Variants in METTL21C observed in about 807,000 individuals in gnomAD.
METTL21C encodes methyltransferase 21C, AARS1 lysine.
A neutral mutation model predicts 25.9 loss-of-function variants in METTL21C; 21 were observed. That is an observed-to-expected ratio of 0.81 (90% CI 0.58 to 1.17). METTL21C has a LOEUF of 1.17. Among genes scored for constraint, METTL21C ranks in the 50% most tolerant of loss-of-function variants. METTL21C has a pLI of 0.00. For synonymous variants in METTL21C, 125 were observed against 124.7 expected (o/e 1.00, Z -0.01); for missense variants, 312 against 315.1 (o/e 0.99, Z 0.07).
upstream of METTL21C, among the ~76,000 whole-genome samples, chr13:102,696,796 C>G (rs1885953233): frequency 1.3e-5 from 2 of 152,180 alleles, no homozygotes. Context: ...GAATTGTTCT[C>G]TGACATATGG....
In METTL21C at chr13:102,687,094, A is replaced by C. The variant is rs770049268; in HGVS notation, c.283-37T>G. 1.2e-5 allele frequency: 18 copies of C among 1,512,110 alleles called. No homozygotes were observed. In the African/African-American group the frequency reaches 2.5e-4, roughly 21 times the overall value. The allele number at this position is 1,512,110 out of a possible 1,614,324, so 93.7% of individuals were successfully genotyped here. A position where few individuals can be genotyped will look rare whatever the true frequency, so the allele number is the denominator to read the frequency against. The stretch of plus-strand genomic sequence containing the variant: ...TTATAACTTTTCATGTGGGCATTGG[A>C]ACATTGGAAACCAGTAGCAACCCTT... On this transcript the variant is annotated intron_variant, in intron 2 of 3. Coordinates refer to ENST00000267273, the MANE Select transcript of METTL21C (RefSeq NM_001010977.3).
At chr13:102,689,569 G>T (rs1207755595) in intron 2 of METTL21C, among the ~76,000 whole-genome samples, 5 of 152,200 alleles carry the variant, frequency 3.3e-5, no homozygotes, top group Admixed American at 2.0e-4. Flanking sequence ...ACCCCGGAAT[G>T]TGTAAGACCT....
intron 2 of METTL21C, among the ~76,000 whole-genome samples, chr13:102,688,934 C>T (rs753068352): frequency 3.3e-5 from 5 of 152,132 alleles, no homozygotes; most frequent in Non-Finnish European, 7.4e-5. Flanking sequence ...CACCTGAAGT[C>T]GCACAGGAAA....
chr13:102,701,990 C>T, the METTL21C span, among the ~76,000 whole-genome samples: 4 of 151,996 alleles, frequency 2.6e-5, no homozygotes, highest in South Asian at 2.1e-4. Context: ...CATGGTGAAA[C>T]TCGTCTCTAC....
chr13:102,688,341 T>C (rs116871763), intron 2 of METTL21C, among the ~76,000 whole-genome samples: 10,136 of 152,290 alleles, frequency 0.067, 399 homozygotes, highest in South Asian at 0.1. Flanking sequence ...CAGTCACCTC[T>C]ACTGTCTGGG....
At chr13:102,686,672 C>T (rs1218828906) in intron 3 of METTL21C, among the ~76,000 whole-genome samples, 1 of 152,188 alleles carries the variant, frequency 6.6e-6, no homozygotes, top group Non-Finnish European at 1.5e-5. Context: ...CCTCACCTCA[C>T]CTGTGGGATT....
Position 102,690,943 on chromosome 13 carries a change from G to A in METTL21C, c.152C>T (p.Ser51Phe). 1 of 1,614,122 alleles carries A rather than the reference G, an allele frequency of 6.2e-7. No individual in the cohort carries two copies. The highest frequency in any genetic ancestry group is 1.1e-5 in the South Asian group (1 of 91,042). Residue 51 changes from serine to phenylalanine, a missense_variant, in exon 2 of 4, where the codon TCT (serine) becomes TTT (phenylalanine). Coordinates refer to ENST00000267273, the MANE Select transcript of METTL21C (RefSeq NM_001010977.3). ...AACAAATTTCTGGAGGCTATGAAGA[G>A]ATGGTTCTATCTTGTTGGATTCTGT... ...VLEESNKIEP[S>F]LHSLQKFVPT...
chr13:102,697,506 A>G (rs1334410740), upstream of METTL21C, among the ~76,000 whole-genome samples: 1 of 152,196 alleles, frequency 6.6e-6, no homozygotes, highest in East Asian at 1.9e-4. Context: ...CAGCATTGCC[A>G]TGAAGGGTAA....
In METTL21C at chr13:102,685,959, TC is replaced by T. The variant is rs1885654915; in HGVS notation, c.*71del. On this transcript the variant is annotated 3_prime_UTR_variant, in exon 4 of 4. Transcript: ENST00000267273. ...TACCTTCTCAATCCTGTGAAAGAAG[TC>T]TATTACCAAAGCAATTTCTAACACA... 10 of 1,464,182 alleles carry T rather than the reference TC, an allele frequency of 6.8e-6. No individual in the cohort carries two copies. The Admixed American group carries it at 9.2e-5, about 14-fold the overall frequency. 90.7% of individuals were successfully genotyped at this position (1,464,182 alleles called of 1,614,324 possible).
At chr13:102,695,936 G>A (rs1885939532), upstream of METTL21C, among the ~76,000 whole-genome samples, 1 of 152,144 alleles carries the variant, frequency 6.6e-6, no homozygotes, top group Admixed American at 6.5e-5. Flanking sequence ...ATATTTATAT[G>A]CATGTAGACA....
At chr13:102,696,916 G>C (rs763109053), upstream of METTL21C, among the ~76,000 whole-genome samples, 25 of 152,246 alleles carry the variant, frequency 1.6e-4, no homozygotes, top group Non-Finnish European at 1.9e-4. Flanking sequence ...AGGGATTGAC[G>C]GGGGGCAGGG....
At chr13:102,691,443 G>A (rs896303558) in intron 1 of METTL21C, among the ~76,000 whole-genome samples, 4 of 151,920 alleles carry the variant, frequency 2.6e-5, no homozygotes, top group Non-Finnish European at 4.4e-5. Flanking sequence ...TCTGCTTCCC[G>A]GGTTCAAGTG....
In METTL21C at chr13:102,686,373, G is replaced by A. The variant is rs1885673321; in HGVS notation, c.453C>T (p.Tyr151=). The part of the protein sequence containing the change: ...DLPDVLGNLQ[Y]NLLKNTLQCT... ...ATTGTAGTGTGTTTTTTAAAAGATT[G>A]TATTGAAGGTTTCCCAGGACATCAG... is the stretch of plus-strand genomic sequence containing the variant. The change falls in exon 4 of 4, where the codon TAC becomes TAT. Residue 151 remains tyrosine, a synonymous_variant. Transcript: ENST00000267273. 1 of 1,614,000 alleles carries A rather than the reference G, an allele frequency of 6.2e-7. No individual in the cohort carries two copies. The highest frequency in any genetic ancestry group is 8.5e-7 in the Non-Finnish European group (1 of 1,179,946).
rs1270222353 is a variant in METTL21C at position 102,694,400 on chromosome 13, C to T, written c.99G>A (p.Pro33=). 1.3e-6 allele frequency: 2 copies of T among 1,502,982 alleles called. No individual in the cohort carries two copies. Among genetic ancestry groups the T allele is most frequent in the South Asian group, 1.1e-5 (1 of 87,666 alleles). 93.1% of individuals were successfully genotyped at this position (1,502,982 alleles called of 1,614,324 possible). A position where few individuals can be genotyped will look rare whatever the true frequency, so the allele number is the denominator to read the frequency against. The change falls in exon 1 of 4, where the codon CCG becomes CCA. Residue 33 remains proline (P), a synonymous_variant. Coordinates refer to ENST00000267273, the MANE Select transcript of METTL21C (RefSeq NM_001010977.3). ...GWLEAEKKGA[P]QKDSTGGVLE... ...GGACTCCCCCGGTGCTGTCTTTCTG[C>T]GGAGCCCCCTTCTTCTCAGCCTCTA...
Position 102,690,973 on chromosome 13 carries a change from C to G in METTL21C, c.131-9G>C. The G allele has an allele frequency of 6.2e-7, 1 of 1,612,524 alleles. No homozygotes were observed. ...TTCTATCTTGTTGGATTCTGTGAAG[C>G]AGAAAAATAAAATGGAGTTCATGAT... On this transcript the variant is annotated splice_polypyrimidine_tract_variant and intron_variant, in intron 1 of 3. Coordinates refer to ENST00000267273, the MANE Select transcript of METTL21C (RefSeq NM_001010977.3).
chr13:102,687,718 G>T (rs534371840), intron 2 of METTL21C, among the ~76,000 whole-genome samples: 2 of 152,164 alleles, frequency 1.3e-5, no homozygotes, highest in African/African-American at 2.4e-5. Flanking sequence ...GATCCTGCAC[G>T]TCTAAACAAG....
In METTL21C at chr13:102,686,315, C is replaced by G; in HGVS notation, c.511G>C (p.Val171Leu). The G allele has an allele frequency of 2.5e-6, 4 of 1,614,220 alleles. No individual in the cohort carries two copies. Among genetic ancestry groups the G allele is most frequent in the Non-Finnish European group, 3.4e-6 (4 of 1,180,042 alleles). The change falls in exon 4 of 4, where the codon GTA becomes CTA. Residue 171 changes from valine to leucine, a missense_variant. Physicochemically the swap from Val to Leu is conservative, Grantham distance 32 (BLOSUM62 1). Coordinates refer to ENST00000267273, the MANE Select transcript of METTL21C (RefSeq NM_001010977.3). The stretch of plus-strand genomic sequence containing the variant: ...TTTTTGTCCAGGTCTTCCCCCCATA[C>G]CAGTTCTTTCACTTCAGGCAGATGT... ...TAHLPEVKEL[V>L]WGEDLDKNFP... is the part of the protein sequence containing the mutation.
At chr13:102,701,230 A>T in the METTL21C span, among the ~76,000 whole-genome samples, 1 of 152,072 alleles carries the variant, frequency 6.6e-6, no homozygotes, top group Non-Finnish European at 1.5e-5. Flanking sequence ...AAAGCAACAG[A>T]GAGCCTGTTC....
intron 2 of METTL21C, among the ~76,000 whole-genome samples, chr13:102,689,234 T>C (rs1181185205): frequency 6.6e-6 from 1 of 152,162 alleles, no homozygotes; most frequent in Non-Finnish European, 1.5e-5. Flanking sequence ...CGGCCTCTGA[T>C]CTCTTACTAT....
Sources: gnomAD v4.1 joint callset for allele counts (sites outside exome capture counted in the v4.1 genomes callset) on GRCh38, gnomAD v4.1.1 for gene constraint, MANE v1.5 for transcripts, NCBI Gene and HGNC (gene_info 2026-07-23, HGNC 2026-07-21) for gene names.